Variants in DHDDS observed in about 807,000 individuals in gnomAD.
The protein encoded by DHDDS is dehydrodolichyl diphosphate synthase complex subunit DHDDS.
In DHDDS, 16 loss-of-function variants were observed where a neutral mutation model predicts 46.2. The observed-to-expected ratio is 0.35, with a 90% CI of 0.23 to 0.53. The LOEUF is 0.53. Among genes scored for constraint, DHDDS ranks in the 20% least tolerant of loss-of-function variants. The pLI is 0.94. For synonymous variants in DHDDS, 151 were observed against 163.1 expected (o/e 0.93, Z 0.56); for missense variants, 340 against 423.7 (o/e 0.80, Z 1.73).
rs2124552293 is a variant in DHDDS, at chr1:26,468,937, C to T, written c.808C>T (p.Leu270=). The change falls in exon 9 of 9, where the codon CTG becomes TTG. Residue 270 remains leucine (L), a synonymous_variant. Coordinates refer to ENST00000236342, the MANE Select transcript of DHDDS (RefSeq NM_205861.3). ...TGCAGAGGAGCGGAAGAGGCAGCAG[C>T]TGGAGAGGGACCAGGCTACAGTGAC... ...MYAEERKRQQ[L]ERDQATVTEQ... 2 of 1,614,142 alleles carry T rather than the reference C, an allele frequency of 1.2e-6. No homozygotes were observed. The highest frequency in any genetic ancestry group is 1.7e-6 in the Non-Finnish European group (2 of 1,180,032).
intron 3 of DHDDS, among the ~76,000 whole-genome samples, chr1:26,441,380 A>G (rs2075217981): frequency 6.6e-6 from 1 of 151,520 alleles, no homozygotes. Context: ...CTGTATTTTT[A>G]GTAGAAATGG....
At chr1:26,462,272 C>T (rs1553123309) in intron 8 of DHDDS, among the ~76,000 whole-genome samples, 5 of 152,000 alleles carry the variant, frequency 3.3e-5, no homozygotes, top group Admixed American at 2.6e-4. Context: ...CCTCCTGCTT[C>T]GGCCTCCCCA....
chr1:26,460,747 G>A (rs1477720432), intron 8 of DHDDS, among the ~76,000 whole-genome samples: 2 of 152,156 alleles, frequency 1.3e-5, no homozygotes, highest in African/African-American at 4.8e-5. Context: ...GCACTTAGGT[G>A]ATTTCATGTA....
chr1:26,446,266 T>C, intron 4 of DHDDS, 50 bp from the exon 5 acceptor site: 6 of 1,580,006 alleles, frequency 3.8e-6, no homozygotes, highest in Non-Finnish European at 5.2e-6. Flanking sequence ...CCTTGCTCTC[T>C]CCAGCTCAGC....
At chr1:26,468,268 C>T (rs1017516069) in intron 8 of DHDDS, among the ~76,000 whole-genome samples, 6 of 152,106 alleles carry the variant, frequency 3.9e-5, no homozygotes, top group African/African-American at 1.2e-4. Context: ...GGTCTTCATA[C>T]AGGAGGCAAG....
chr1:26,464,074 C>T (rs1458621564), intron 8 of DHDDS, among the ~76,000 whole-genome samples: 1 of 146,722 alleles, frequency 6.8e-6, no homozygotes, highest in Non-Finnish European at 1.5e-5. Flanking sequence ...CTCACTGCAA[C>T]CTCTGCCTCC....
intron 3 of DHDDS, among the ~76,000 whole-genome samples, chr1:26,440,826 C>T (rs1310619927): frequency 6.6e-6 from 1 of 152,132 alleles, no homozygotes; most frequent in Non-Finnish European, 1.5e-5. Context: ...TACGTTTAAC[C>T]TCCCGCTCTC....
intron 3 of DHDDS, 70 bp from the exon 4 acceptor site, chr1:26,442,661 C>G (rs926051423): frequency 1.2e-6 from 2 of 1,601,624 alleles, no homozygotes; most frequent in Non-Finnish European, 1.7e-6. Context: ...GAGTCAGGAC[C>G]AAAAAGTATC....
intron 8 of DHDDS, among the ~76,000 whole-genome samples, chr1:26,461,587 G>A (rs2075422821): frequency 6.6e-6 from 1 of 152,006 alleles, no homozygotes; most frequent in South Asian, 2.1e-4. Flanking sequence ...GTTTCTCCAT[G>A]TTGGTCAGGC....
intron 3 of DHDDS, among the ~76,000 whole-genome samples, chr1:26,440,286 A>C (rs1368681681): frequency 6.6e-6 from 1 of 152,176 alleles, no homozygotes; most frequent in African/African-American, 2.4e-5. Context: ...AACCTTGTAG[A>C]AGTCTTTACG....
intron 8 of DHDDS, among the ~76,000 whole-genome samples, chr1:26,461,118 C>T (rs557436179): frequency 7.9e-5 from 12 of 152,302 alleles, no homozygotes; most frequent in African/African-American, 2.9e-4. Flanking sequence ...AGGTGATCCG[C>T]CCACCTTGGC....
intron 1 of DHDDS, chr1:26,432,652 A>G: frequency 2.1e-6 from 1 of 467,458 alleles, no homozygotes; most frequent in Non-Finnish European, 3.9e-6. Context: ...GTCAGTGCAG[A>G]TACGGAGGAA....
chr1:26,441,326 G>C (rs1320378774), intron 3 of DHDDS, among the ~76,000 whole-genome samples: 2 of 151,868 alleles, frequency 1.3e-5, no homozygotes, highest in Admixed American at 1.3e-4. Context: ...AGCCTCCCAA[G>C]TAGCTGGGAA....
At chr1:26,461,681 G>A (rs1251064709) in intron 8 of DHDDS, among the ~76,000 whole-genome samples, 1 of 152,166 alleles carries the variant, frequency 6.6e-6, no homozygotes, top group Non-Finnish European at 1.5e-5. Context: ...CACCAAGCCC[G>A]GCCACACATA....
chr1:26,439,084 A>G (rs1379191288), intron 3 of DHDDS, among the ~76,000 whole-genome samples: 1 of 151,972 alleles, frequency 6.6e-6, no homozygotes, highest in East Asian at 1.9e-4. Flanking sequence ...ACCCGTCACC[A>G]TGTCCAACTA....
intron 6 of DHDDS, chr1:26,454,702 C>T (rs1418315312): frequency 1.1e-5 from 18 of 1,585,178 alleles, no homozygotes; most frequent in Non-Finnish European, 1.5e-5. Context: ...GGGCAACCTC[C>T]TCTTCTGGTT....
intron 6 of DHDDS, 76 bp downstream of exon 6, chr1:26,447,736 C>A: frequency 7.3e-7 from 1 of 1,362,280 alleles, no homozygotes; most frequent in Non-Finnish European, 1.0e-6. Context: ...CGCCTGTAAT[C>A]CTAGCACATT....
At position 26,453,009 on chromosome 1, in the gene DHDDS, T is replaced by C. The variant is rs142696747; in HGVS notation, c.543-4782T>C. Among the ~76,000 whole-genome samples the C allele has an allele frequency of 8.9e-4, 136 of 152,102 alleles. 1 individual carries two copies. Among genetic ancestry groups the C allele is most frequent in the African/African-American group, 3.1e-3 (129 of 41,516 alleles). ...TGGGAGGCTGAGTGAGGAGGATTAC[T>C]TGAGCCTAGCAGGTCGAGGCTGCAA... is the stretch of plus-strand genomic sequence containing the variant. On this transcript the variant is annotated intron_variant, in intron 6 of 8. Transcript: ENST00000236342.
At chr1:26,459,028 TGA>T (rs1458351667) in intron 7 of DHDDS, among the ~76,000 whole-genome samples, 4 of 152,234 alleles carry the variant, frequency 2.6e-5, no homozygotes, top group African/African-American at 9.6e-5. Context: ...AAAAAAGTGT[TGA>T]GTTCCTTCTT....
Sources: gnomAD v4.1 joint callset for allele counts (sites outside exome capture counted in the v4.1 genomes callset) on GRCh38, gnomAD v4.1.1 for gene constraint, MANE v1.5 for transcripts, NCBI Gene and HGNC (gene_info 2026-07-23, HGNC 2026-07-21) for gene names.